Variants in PIP5K1B observed in about 807,000 individuals in gnomAD.
PIP5K1B encodes the protein phosphatidylinositol 4-phosphate 5-kinase type-1 beta.
In PIP5K1B, 42 loss-of-function variants were observed where a neutral mutation model predicts 67.0. That is an observed-to-expected ratio of 0.63 (90% CI 0.49 to 0.81). The LOEUF is 0.81. Among genes scored for constraint, PIP5K1B ranks in the 30% least tolerant of loss-of-function variants. The pLI is 0.00. For synonymous variants in PIP5K1B, 214 were observed against 231.4 expected, an observed-to-expected ratio of 0.92 and a Z score of 0.68; for missense variants, 459 against 646.3, an observed-to-expected ratio of 0.71 and a Z score of 3.14.
chr9:68,955,930 A>G (rs900183186), intron 14 of PIP5K1B, among the ~76,000 whole-genome samples: 2 of 152,172 alleles, frequency 1.3e-5, no homozygotes, highest in African/African-American at 4.8e-5. Context: ...ATTTTATTTA[A>G]TGCACCCATC....
At chr9:68,756,411 A>G (rs1829927472) in intron 2 of PIP5K1B, among the ~76,000 whole-genome samples, 1 of 152,240 alleles carries the variant, frequency 6.6e-6, no homozygotes, top group East Asian at 1.9e-4. Flanking sequence ...CAGTCTGTGT[A>G]TTCATTCTTC....
At chr9:68,809,155 G>A (rs1235647741) in intron 2 of PIP5K1B, among the ~76,000 whole-genome samples, 8 of 152,076 alleles carry the variant, frequency 5.3e-5, no homozygotes, top group Non-Finnish European at 1.2e-4. Context: ...TTTCTGGTCT[G>A]AAAAATACAG....
At chr9:68,868,265 T>C (rs1823456781) in intron 5 of PIP5K1B, among the ~76,000 whole-genome samples, 1 of 152,174 alleles carries the variant, frequency 6.6e-6, no homozygotes, top group African/African-American at 2.4e-5. Flanking sequence ...AGAAGGAGGA[T>C]GGTTTATAAA....
At chr9:68,792,754 C>A (rs548026794) in intron 2 of PIP5K1B, among the ~76,000 whole-genome samples, 2 of 152,184 alleles carry the variant, frequency 1.3e-5, no homozygotes, top group Non-Finnish European at 2.9e-5. Flanking sequence ...GCTGGGATTA[C>A]AGGCGTGAGC....
chr9:68,924,750 AT>A (rs1374291342), intron 12 of PIP5K1B, among the ~76,000 whole-genome samples: 2 of 152,206 alleles, frequency 1.3e-5, no homozygotes, highest in Non-Finnish European at 2.9e-5. Flanking sequence ...CATGTTTTAT[AT>A]TTAAATAAGA....
intron 10 of PIP5K1B, 42 bp downstream of exon 10, chr9:68,919,604 A>T: frequency 1.4e-6 from 2 of 1,403,422 alleles, no homozygotes; most frequent in Non-Finnish European, 2.0e-6. Flanking sequence ...TTCAAAATCA[A>T]TCTACAAAAG....
chr9:68,948,080 A>G (rs1220612190), intron 14 of PIP5K1B, among the ~76,000 whole-genome samples: 1 of 152,226 alleles, frequency 6.6e-6, no homozygotes. Context: ...TCTGGAGCAA[A>G]CACAGAATGA....
At chr9:68,909,406 TAA>T (rs552812093) in intron 8 of PIP5K1B, among the ~76,000 whole-genome samples, 2,020 of 140,270 alleles carry the variant, frequency 0.014, 44 homozygotes, top group African/African-American at 0.049. Context: ...AAGGACTCTT[TAA>T]AAAAAAAAAA....
At chr9:68,742,753 T>G (rs980603401) in intron 2 of PIP5K1B, 96 bp downstream of exon 2, 2 of 152,244 alleles carry the variant, frequency 1.3e-5, no homozygotes, top group Non-Finnish European at 2.9e-5. Context: ...TGCTGGATCT[T>G]TGCTGTTTCT....
At chr9:68,864,367 T>C (rs1823257800) in intron 5 of PIP5K1B, among the ~76,000 whole-genome samples, 1 of 152,252 alleles carries the variant, frequency 6.6e-6, no homozygotes, top group South Asian at 2.1e-4. Context: ...AAGCATGGGC[T>C]GGTAGGCCCA....
At chr9:68,880,548 G>A (rs1334779428) in intron 6 of PIP5K1B, among the ~76,000 whole-genome samples, 1 of 148,284 alleles carries the variant, frequency 6.7e-6, no homozygotes, top group Non-Finnish European at 1.5e-5. Context: ...GAGCAAGACT[G>A]CATCTGAAAC....
chr9:68,817,835 C>T (rs1587498573), intron 2 of PIP5K1B, among the ~76,000 whole-genome samples: 1 of 150,872 alleles, frequency 6.6e-6, no homozygotes, highest in Non-Finnish European at 1.5e-5. Flanking sequence ...CGATTACAGG[C>T]GTGAGCCACC....
intron 1 of PIP5K1B, among the ~76,000 whole-genome samples, chr9:68,724,291 T>C (rs1828050002): frequency 6.6e-6 from 1 of 151,848 alleles, no homozygotes; most frequent in African/African-American, 2.4e-5. Flanking sequence ...TTGATTACTC[T>C]AGCTTTGTAG....
intron 1 of PIP5K1B, among the ~76,000 whole-genome samples, chr9:68,713,884 G>A (rs138644314): frequency 3.7e-3 from 569 of 152,276 alleles, no homozygotes; most frequent in Middle Eastern, 0.01. Flanking sequence ...TCATCACCAT[G>A]TGCTTCCAAG....
intron 14 of PIP5K1B, among the ~76,000 whole-genome samples, chr9:68,970,735 G>C (rs2132822818): frequency 6.6e-6 from 1 of 152,256 alleles, no homozygotes; most frequent in South Asian, 2.1e-4. Context: ...ATATGGATTT[G>C]AGCACCCCCT....
At chr9:68,724,879 C>T (rs779206112) in intron 1 of PIP5K1B, among the ~76,000 whole-genome samples, 1 of 152,016 alleles carries the variant, frequency 6.6e-6, no homozygotes. Context: ...TTATTCTCCT[C>T]TAGAAGAATA....
At chr9:68,761,009 A>T (rs1830159997) in intron 2 of PIP5K1B, among the ~76,000 whole-genome samples, 1 of 152,076 alleles carries the variant, frequency 6.6e-6, no homozygotes, top group Non-Finnish European at 1.5e-5. Flanking sequence ...AATCCTAGTT[A>T]CTAGTAGCAT....
At chr9:68,891,511 A>C (rs2132394717) in intron 7 of PIP5K1B, among the ~76,000 whole-genome samples, 1 of 152,218 alleles carries the variant, frequency 6.6e-6, no homozygotes, top group Middle Eastern at 3.4e-3. Flanking sequence ...CAGTCTTCCA[A>C]AAGTTCACAT....
At chr9:68,911,438 A>G (rs1196157862) in intron 8 of PIP5K1B, among the ~76,000 whole-genome samples, 1 of 152,056 alleles carries the variant, frequency 6.6e-6, no homozygotes, top group East Asian at 1.9e-4. Flanking sequence ...GAGAGAAGGA[A>G]CGTTTTGATA....
Sources: gnomAD v4.1 joint callset for allele counts (sites outside exome capture counted in the v4.1 genomes callset) on GRCh38, gnomAD v4.1.1 for gene constraint, MANE v1.5 for transcripts, NCBI Gene and HGNC (gene_info 2026-07-23, HGNC 2026-07-21) for gene names.